The following DMD variants were observed in gnomAD, a reference collection of about 807,000 sequenced individuals.
DMD encodes mutant dystrophin.
In DMD, 63 loss-of-function variants were observed where a neutral mutation model predicts 330.1. The observed-to-expected ratio is 0.19, with a 90% CI of 0.16 to 0.24. The LOEUF is 0.24. Ranked by LOEUF, DMD falls within the 10% of genes least tolerant of loss-of-function variation. DMD has a pLI of 1.00. For synonymous variants in DMD, 1,223 were observed against 959.8 expected, an observed-to-expected ratio of 1.27 and a Z score of -5.07; for missense variants, 3,344 against 2,684.1, an observed-to-expected ratio of 1.25 and a Z score of -5.43.
intron 18 of DMD, among the ~76,000 whole-genome samples, chrX:32,502,204 T>C (rs759386937): frequency 2.9e-4 from 32 of 111,583 alleles, no homozygotes; most frequent in African/African-American, 9.4e-4. Context: ...AGATACACCA[T>C]TGAAATTACT....
At chrX:32,600,689 C>G (rs1208797119) in intron 12 of DMD, among the ~76,000 whole-genome samples, 10 of 108,568 alleles carry the variant, frequency 9.2e-5, no homozygotes. Flanking sequence ...TCTATTGTCT[C>G]CAAAAATGAC....
intron 47 of DMD, among the ~76,000 whole-genome samples, chrX:31,925,857 G>T (rs2094765932): frequency 1.1e-5 from 1 of 91,979 alleles, no homozygotes; most frequent in Non-Finnish European, 2.1e-5. Flanking sequence ...GGGCGACAGA[G>T]CAAAACTCTG....
At chrX:31,974,454 A>T (rs1403184906) in intron 44 of DMD, among the ~76,000 whole-genome samples, 2 of 110,987 alleles carry the variant, frequency 1.8e-5, no homozygotes, top group African/African-American at 6.5e-5. Flanking sequence ...CAGTCTTTAC[A>T]ATGAACGATC....
At chrX:32,027,164 G>GCACACACACACACACATACACACACA (rs368471597) in intron 44 of DMD, among the ~76,000 whole-genome samples, 3 of 89,517 alleles carry the variant, frequency 3.4e-5, no homozygotes, top group African/African-American at 1.3e-4. Flanking sequence ...ACACGCACGT[G>GCACACACACACACACATACACACACA]CACACACACA....
chrX:32,362,117 T>C (rs976458370), intron 37 of DMD, among the ~76,000 whole-genome samples: 2 of 111,860 alleles, frequency 1.8e-5, no homozygotes, highest in Admixed American at 9.5e-5. Flanking sequence ...TGGTTCTTCT[T>C]AAACAGTAAT....
intron 7 of DMD, among the ~76,000 whole-genome samples, chrX:32,738,390 T>C (rs770690989): frequency 8.9e-6 from 1 of 111,754 alleles, no homozygotes; most frequent in South Asian, 3.7e-4. Context: ...TACTTCCTAT[T>C]AGTTATCTGT....
chrX:31,317,660 C>T (rs899339870), intron 62 of DMD, among the ~76,000 whole-genome samples: 9 of 108,951 alleles, frequency 8.3e-5, no homozygotes, highest in African/African-American at 2.0e-4. Context: ...TACAGGCGCC[C>T]GCCACCACGC....
intron 7 of DMD, among the ~76,000 whole-genome samples, chrX:32,795,771 A>C (rs1047298617): frequency 5.4e-5 from 6 of 111,991 alleles, no homozygotes; most frequent in African/African-American, 1.6e-4. Flanking sequence ...ACAGTAAAAA[A>C]ATAATCACAT....
Position 31,287,063 on chromosome X carries a change from G to A in DMD, c.9225-26047C>T, listed in dbSNP as rs761815765. ...ATTACAGGCTTAAGCCACCATGCCT[G>A]TCCCTGTTTCTCCACTTTGTATTGG... On this transcript the variant is annotated intron_variant, in intron 62 of 78. Transcript: ENST00000357033. 9.8e-5 allele frequency among the ~76,000 whole-genome samples: 11 copies of A among 112,478 alleles called. No homozygotes were observed. In the East Asian group the frequency reaches 2.5e-3, roughly 26 times the overall value.
In DMD at chrX:33,080,349, C is replaced by T. The variant is rs779225964; in HGVS notation, c.32-60149G>A. On this transcript the variant is annotated intron_variant, in intron 1 of 78. Transcript: ENST00000357033. ...TTTGCTTAAACCCTCAGTTTCGTTC[C>T]GTTACTCTTTTAGTTTAAGACAGTC... 2.4e-3 allele frequency among the ~76,000 whole-genome samples: 270 copies of T among 111,231 alleles called. 1 individual carries two copies. Among genetic ancestry groups the T allele is most frequent in the Non-Finnish European group, 4.0e-3 (214 of 53,068 alleles).
chrX:32,465,731 G>A (rs1236211792), intron 23 of DMD, among the ~76,000 whole-genome samples: 6 of 109,439 alleles, frequency 5.5e-5, no homozygotes, highest in East Asian at 5.8e-4. Flanking sequence ...GATTACAGGC[G>A]TGCACTACCA....
chrX:32,441,087 G>T lies in DMD; in HGVS notation c.3921+93C>A, dbSNP rs1247304268. 5 of 957,216 alleles carry T rather than the reference G, an allele frequency of 5.2e-6. No homozygotes were observed. In the Middle Eastern group the frequency reaches 1.2e-3, roughly 220 times the overall value. 78.9% of individuals were successfully genotyped at this position (957,216 alleles called of 1,213,427 possible). A position where few individuals can be genotyped will look rare whatever the true frequency, so the allele number is the denominator to read the frequency against. ...ATAACATAGTAATTATACTCTCTTG[G>T]GTTGTTTTCTTTGGATTTGTCTTCT... On this transcript the variant is annotated intron_variant, in intron 28 of 78. Transcript: ENST00000357033.
At chrX:31,562,412 C>T (rs1038261284) in intron 55 of DMD, among the ~76,000 whole-genome samples, 1 of 112,112 alleles carries the variant, frequency 8.9e-6, no homozygotes, top group African/African-American at 3.2e-5. Context: ...AAGACCACAG[C>T]AATTTGCGTT....
chrX:32,775,287 T>C (rs1454858700), intron 7 of DMD, among the ~76,000 whole-genome samples: 1 of 112,340 alleles, frequency 8.9e-6, no homozygotes, highest in Non-Finnish European at 1.9e-5. Context: ...GGGGTCTAGA[T>C]GGTGGGCCTC....
intron 60 of DMD, among the ~76,000 whole-genome samples, chrX:31,393,333 C>T (rs554005037): frequency 6.4e-5 from 7 of 109,514 alleles, no homozygotes; most frequent in Admixed American, 2.0e-4. Context: ...AAAAATTAGC[C>T]GGGCATGGTG....
At chrX:32,511,948 T>C (rs932609697) in intron 18 of DMD, among the ~76,000 whole-genome samples, 1 of 111,882 alleles carries the variant, frequency 8.9e-6, no homozygotes, top group Non-Finnish European at 1.9e-5. Context: ...AAGTAAAGTA[T>C]ACAGAAGCTA....
At position 32,744,453 on chromosome X, in the gene DMD, T is replaced by C. The variant is rs186489546; in HGVS notation, c.650-45160A>G. On this transcript the variant is annotated intron_variant, in intron 7 of 78. Coordinates refer to ENST00000357033, the MANE Select transcript of DMD (RefSeq NM_004006.3). ...TGGTTTCAACTGTTAAATATGCTAA[T>C]GATTAAAAACTGTGCACCTATCTGC... 1.3e-3 allele frequency among the ~76,000 whole-genome samples: 140 copies of C among 111,435 alleles called. 1 individual carries two copies. Among genetic ancestry groups the C allele is most frequent in the African/African-American group, 4.4e-3 (134 of 30,727 alleles).
intron 7 of DMD, among the ~76,000 whole-genome samples, chrX:32,737,256 A>C (rs1048518116): frequency 9.0e-5 from 10 of 111,470 alleles, no homozygotes; most frequent in African/African-American, 2.9e-4. Context: ...ATAAAATAAT[A>C]TCTTTTCTTA....
chrX:32,709,207 G>A (rs2064959474), intron 7 of DMD, among the ~76,000 whole-genome samples: 1 of 111,450 alleles, frequency 9.0e-6, no homozygotes, highest in Admixed American at 9.6e-5. Context: ...AATTTCCAAT[G>A]TGAAAAAAAT....
Sources: gnomAD v4.1 joint callset for allele counts (sites outside exome capture counted in the v4.1 genomes callset) on GRCh38, gnomAD v4.1.1 for gene constraint, MANE v1.5 for transcripts, NCBI Gene and HGNC (gene_info 2026-07-23, HGNC 2026-07-21) for gene names.